OTC: variants seen among roughly 807,000 people sequenced by gnomAD.
OTC encodes the protein ornithine transcarbamylase, also known as ornithine transcarbamylase, mitochondrial.
Under a neutral mutation model 30.3 loss-of-function variants are expected in OTC, and 3 were observed. The observed-to-expected ratio is 0.10, with a 90% CI of 0.05 to 0.26. The LOEUF is 0.26. Among genes scored for constraint, OTC ranks in the 10% least tolerant of loss-of-function variants. OTC has a pLI of 1.00. For synonymous variants in OTC, 111 were observed against 99.7 expected (o/e 1.11, Z -0.67); for missense variants, 194 against 260.3 (o/e 0.75, Z 1.75).
At chrX:38,394,898 G>C (rs866027984) in intron 4 of OTC, among the ~76,000 whole-genome samples, 13 of 110,945 alleles carry the variant, frequency 1.2e-4, no homozygotes, top group Non-Finnish European at 2.1e-4. Flanking sequence ...GTTTCTGGGG[G>C]GGGGCAGGGC....
chrX:38,391,405 A>G, intron 4 of OTC, among the ~76,000 whole-genome samples: 1 of 111,421 alleles, frequency 9.0e-6, no homozygotes, highest in East Asian at 2.8e-4. Flanking sequence ...AAAAGTACCC[A>G]GTACTAAGGC....
intron 9 of OTC, among the ~76,000 whole-genome samples, chrX:38,417,822 CT>C (rs2068576907): frequency 8.9e-6 from 1 of 111,779 alleles, no homozygotes; most frequent in Admixed American, 9.5e-5. Flanking sequence ...ACAGGATTTC[CT>C]TTTTTAAGGC....
At chrX:38,415,298 C>T (rs1263541036) in intron 9 of OTC, among the ~76,000 whole-genome samples, 7 of 107,962 alleles carry the variant, frequency 6.5e-5, no homozygotes, top group African/African-American at 1.7e-4. Flanking sequence ...AGGCTGGTCT[C>T]GAACTCCTGA....
intron 1 of OTC, among the ~76,000 whole-genome samples, chrX:38,358,472 A>G (rs1287763916): frequency 2.7e-5 from 3 of 110,898 alleles, no homozygotes; most frequent in Non-Finnish European, 5.7e-5. Flanking sequence ...TTCCCTGGTT[A>G]GTTCTCGATA....
At chrX:38,414,620 T>C (rs748759681) in intron 9 of OTC, among the ~76,000 whole-genome samples, 1 of 111,827 alleles carries the variant, frequency 8.9e-6, no homozygotes, top group South Asian at 3.8e-4. Flanking sequence ...GGTCCCAGTG[T>C]CCTCTCCCAT....
upstream of OTC, among the ~76,000 whole-genome samples, chrX:38,351,248 G>A (rs1409991272): frequency 2.7e-5 from 3 of 111,559 alleles, no homozygotes; most frequent in Admixed American, 9.5e-5. Flanking sequence ...CAAACATCTC[G>A]GCTCCTGAGG....
At chrX:38,359,480 C>G (rs1203646431) in intron 1 of OTC, among the ~76,000 whole-genome samples, 1 of 108,748 alleles carries the variant, frequency 9.2e-6, no homozygotes, top group Non-Finnish European at 1.9e-5. Context: ...AGTGCAATGG[C>G]ACCATCTTGG....
rs1337833268 is a variant in OTC, at chrX:38,403,633, C to T, written c.556C>T (p.Leu186=). 1.7e-5 allele frequency: 20 copies of T among 1,207,838 alleles called. No individual in the cohort carries two copies. The highest frequency in any genetic ancestry group is 1.9e-5 in the Non-Finnish European group (17 of 893,070). The change falls in exon 6 of 10, where the codon CTG becomes TTG. Residue 186 remains leucine, a synonymous_variant. Transcript: ENST00000039007. ...YLTLQEHYSS[L]KGLTLSWIGD... is the part of the protein sequence containing the mutation. ...TGCCTTTTAGGAACACTATAGCTCT[C>T]TGAAAGGTCTTACCCTCAGCTGGAT...
chrX:38,354,679 C>A (rs1329332844), intron 1 of OTC, among the ~76,000 whole-genome samples: 1 of 111,300 alleles, frequency 9.0e-6, no homozygotes, highest in African/African-American at 3.3e-5. Flanking sequence ...TCCAAACTTT[C>A]TATTTGAAAG....
chrX:38,399,432 G>C (rs1425238889), intron 4 of OTC, among the ~76,000 whole-genome samples: 4 of 111,091 alleles, frequency 3.6e-5, no homozygotes, highest in Admixed American at 9.6e-5. Context: ...AGAGAATATG[G>C]CCTGGGCATC....
chrX:38,383,708 G>A (rs1435097668), intron 4 of OTC, among the ~76,000 whole-genome samples: 2 of 110,516 alleles, frequency 1.8e-5, no homozygotes, highest in Admixed American at 9.6e-5. Flanking sequence ...TGAGGCAGGA[G>A]AGTTGCTTAA....
At chrX:38,329,603 C>T in the OTC span, among the ~76,000 whole-genome samples, 670 of 111,747 alleles carry the variant, frequency 6.0e-3, 5 homozygotes, top group African/African-American at 0.021. Context: ...GCGTGGCAGA[C>T]GGAAAATTGA....
At chrX:38,346,254 G>A in the OTC span, among the ~76,000 whole-genome samples, 2 of 112,255 alleles carry the variant, frequency 1.8e-5, no homozygotes, top group South Asian at 7.3e-4. Flanking sequence ...ACCACAATTT[G>A]TACTACATAA....
intron 6 of OTC, among the ~76,000 whole-genome samples, chrX:38,408,129 A>T (rs1487064316): frequency 8.9e-6 from 1 of 112,227 alleles, no homozygotes; most frequent in Non-Finnish European, 1.9e-5. Flanking sequence ...ACCATCCCGG[A>T]CAAATATATA....
At chrX:38,405,689 T>C (rs1028256857) in intron 6 of OTC, among the ~76,000 whole-genome samples, 8 of 111,710 alleles carry the variant, frequency 7.2e-5, no homozygotes, top group Non-Finnish European at 1.5e-4. Context: ...TTATAGTAAA[T>C]TTGAGGGACT....
chrX:38,393,871 C>A (rs756785584), intron 4 of OTC, among the ~76,000 whole-genome samples: 1 of 111,888 alleles, frequency 8.9e-6, no homozygotes, highest in Admixed American at 9.5e-5. Flanking sequence ...AATCCAATTC[C>A]TTGTCCATTC....
chrX:38,369,423 C>T lies in OTC; in HGVS notation c.217-373C>T, dbSNP rs1268109882. Among the ~76,000 whole-genome samples, 4 of 110,126 alleles carry T rather than the reference C, an allele frequency of 3.6e-5. No homozygotes were observed. In the South Asian group the frequency reaches 1.6e-3, roughly 44 times the overall value. ...AGTGCAGTGGCAAGATCTTGGCTCACTGCAACCTCCATCTCCCAGGTTCAA... is the reference window on the plus strand; with the variant it reads ...AGTGCAGTGGCAAGATCTTGGCTCATTGCAACCTCCATCTCCCAGGTTCAA... On this transcript the variant is annotated intron_variant, in intron 2 of 9. Transcript: ENST00000039007.
Position 38,361,261 on chromosome X carries a change from C to T in OTC, c.78-6030C>T, listed in dbSNP as rs968401603. Among the ~76,000 whole-genome samples, 30 of 110,028 alleles carry T rather than the reference C, an allele frequency of 2.7e-4. 1 individual carries two copies. The highest frequency in any genetic ancestry group is 1.1e-3 in the East Asian group (4 of 3,539). ...CAGATGTTGCAGTGAGCTGAGATTG[C>T]GCCGCTGCGCTCCAGCCTGGGCGAC... On this transcript the variant is annotated intron_variant, in intron 1 of 9. Coordinates refer to ENST00000039007, the MANE Select transcript of OTC (RefSeq NM_000531.6).
chrX:38,393,624 G>T (rs1460766887), intron 4 of OTC, among the ~76,000 whole-genome samples: 1 of 111,899 alleles, frequency 8.9e-6, no homozygotes, highest in African/African-American at 3.2e-5. Context: ...TAGTGGGAAC[G>T]GGTTGCTAAA....
Sources: gnomAD v4.1 joint callset for allele counts (sites outside exome capture counted in the v4.1 genomes callset) on GRCh38, gnomAD v4.1.1 for gene constraint, MANE v1.5 for transcripts, NCBI Gene and HGNC (gene_info 2026-07-23, HGNC 2026-07-21) for gene names.